Variants in PITHD1 observed in about 807,000 individuals in gnomAD.
The protein encoded by PITHD1 is PITH domain containing 1.
Under a neutral mutation model 27.5 loss-of-function variants are expected in PITHD1, and 8 were observed. The observed-to-expected ratio is 0.29, with a 90% CI of 0.17 to 0.52. The LOEUF is 0.52. Ranked by LOEUF, PITHD1 falls within the 20% of genes least tolerant of loss-of-function variation. PITHD1 has a pLI of 0.96. For synonymous variants in PITHD1, 118 were observed against 106.8 expected (o/e 1.10, Z -0.64); for missense variants, 233 against 283.9 (o/e 0.82, Z 1.29).
At chr1:23,783,285 GTATATA>G (rs570952581) in intron 3 of PITHD1, among the ~76,000 whole-genome samples, 1 of 144,480 alleles carries the variant, frequency 6.9e-6, no homozygotes, top group Non-Finnish European at 1.5e-5. Flanking sequence ...GCACATGTGT[GTATATA>G]TATATGTATA....
In PITHD1 at chr1:23,787,339, T is replaced by A. The variant is rs1024316788; in HGVS notation, c.599T>A (p.Val200Asp). The change falls in exon 6 of 6, where the codon GTC (valine) becomes GAC (aspartate). Residue 200 changes from valine to aspartate, a missense_variant. Coordinates refer to ENST00000246151, the MANE Select transcript of PITHD1 (RefSeq NM_020362.5). ...TCTGCCAACCCAGCAGACCATAGGG[T>A]CCATCAGGTTACCCCACAGACACAC... ...EASANPADHR[V>D]HQVTPQTHFI... The A allele has an allele frequency of 1.2e-6, 2 of 1,612,116 alleles. No homozygotes were observed. The highest frequency in any genetic ancestry group is 2.7e-5 in the African/African-American group (2 of 74,868).
At position 23,787,392 on chromosome 1, in the gene PITHD1, C is replaced by T. The variant is rs1175748678; in HGVS notation, c.*16C>T. 5.1e-6 allele frequency: 7 copies of T among 1,359,558 alleles called. No individual in the cohort carries two copies. The African/African-American group carries it at 7.2e-5, about 14-fold the overall frequency. 84.2% of individuals were successfully genotyped at this position (1,359,558 alleles called of 1,614,324 possible). On this transcript the variant is annotated 3_prime_UTR_variant, in exon 6 of 6. Transcript: ENST00000246151. ...TATTTCCTAAGGGCTGGCCAAGGCTCCCATAGAGGCGCTGTGTCAGTGAAG... is the reference window on the plus strand; with the variant it reads ...TATTTCCTAAGGGCTGGCCAAGGCTTCCATAGAGGCGCTGTGTCAGTGAAG...
At chr1:23,786,237 A>G in intron 4 of PITHD1, 78 bp from the exon 5 acceptor site, 4 of 636,194 alleles carry the variant, frequency 6.3e-6, no homozygotes, top group Non-Finnish European at 1.1e-5. Context: ...CTGGAGCTGA[A>G]TTGTTGTTTC....
intron 3 of PITHD1, among the ~76,000 whole-genome samples, chr1:23,783,160 C>A (rs1638627165): frequency 6.6e-6 from 1 of 151,036 alleles, no homozygotes; most frequent in Admixed American, 6.6e-5. Flanking sequence ...CCATGTCTGG[C>A]TAATTTTTTG....
chr1:23,785,928 T>G, intron 4 of PITHD1, 149 bp downstream of exon 4: 2 of 593,758 alleles, frequency 3.4e-6, no homozygotes, highest in Non-Finnish European at 6.1e-6. Context: ...TTGGCAGAGA[T>G]TCAGTGCAAG....
rs150166857 is a variant in PITHD1 at position 23,785,732 on chromosome 1, C to G, written c.378C>G (p.Thr126=). The G allele has an allele frequency of 9.0e-5, 145 of 1,609,458 alleles. No individual in the cohort carries two copies. The African/African-American group carries it at 1.8e-3, about 19-fold the overall frequency. The change falls in exon 4 of 6, where the codon ACC becomes ACG. Residue 126 remains threonine, a synonymous_variant. Coordinates refer to ENST00000246151, the MANE Select transcript of PITHD1 (RefSeq NM_020362.5). The stretch of plus-strand genomic sequence containing the variant: ...ATACAGAAAGGGAGCCAGATCAGAC[C>G]TTTAGTCTGAACCGGGATCTTACAG... ...FDDTEREPDQ[T]FSLNRDLTGE...
chr1:23,783,097 C>T (rs528112723), intron 3 of PITHD1, among the ~76,000 whole-genome samples: 24 of 149,762 alleles, frequency 1.6e-4, no homozygotes, highest in East Asian at 8.1e-4. Flanking sequence ...CCTGGGTTCA[C>T]GCCATTCTCC....
rs1404265384 is a variant in PITHD1, at chr1:23,779,432, C to G, written c.199-6C>G. ...CTTTCTCCTCCCCCCTCCCCATCCC[C>G]TCCAGTTTGTTGAAAGTGATGCAGA... On this transcript the variant is annotated splice_region_variant and splice_polypyrimidine_tract_variant and intron_variant, in intron 1 of 5. Transcript: ENST00000246151. 1.2e-6 allele frequency: 2 copies of G among 1,611,342 alleles called. No homozygotes were observed.
chr1:23,784,242 T>G (rs1052080157), intron 3 of PITHD1, among the ~76,000 whole-genome samples: 134 of 137,862 alleles, frequency 9.7e-4, no homozygotes, highest in African/African-American at 2.9e-3. Context: ...TTCTTTTTTT[T>G]TTTTTTTTTT....
chr1:23,780,127 A>G (rs947432472), intron 3 of PITHD1, among the ~76,000 whole-genome samples, 186 bp downstream of exon 3: 1 of 152,134 alleles, frequency 6.6e-6, no homozygotes, highest in Admixed American at 6.6e-5. Flanking sequence ...ACTTTTTTAG[A>G]TTAAGCATCT....
chr1:23,783,391 A>G (rs953118959), intron 3 of PITHD1, among the ~76,000 whole-genome samples: 1 of 79,302 alleles, frequency 1.3e-5, no homozygotes, highest in African/African-American at 6.0e-5. Flanking sequence ...GTATATATAC[A>G]TATATACGCA....
chr1:23,787,080 A>G (rs1638696670), intron 5 of PITHD1, among the ~76,000 whole-genome samples, 195 bp from the exon 6 acceptor site: 1 of 152,212 alleles, frequency 6.6e-6, no homozygotes, highest in Non-Finnish European at 1.5e-5. Flanking sequence ...AATGATAATG[A>G]TCTTTGCAGC....
chr1:23,781,657 G>T (rs1369963294), intron 3 of PITHD1, among the ~76,000 whole-genome samples: 25 of 152,116 alleles, frequency 1.6e-4, no homozygotes. Flanking sequence ...AGAATATTAG[G>T]CATCCATGCT....
Position 23,780,863 on chromosome 1 carries a change from A to G in PITHD1, c.320+922A>G, listed in dbSNP as rs186975007. Among the ~76,000 whole-genome samples the G allele has an allele frequency of 6.7e-3, 1,026 of 152,006 alleles. 13 individuals carry two copies. The highest frequency in any genetic ancestry group is 0.023 in the African/African-American group (963 of 41,408). ...GCACTCCAGCCTGGATGACAGAATGAGACCCCATCTCAAAAGTAATAATAA... is the reference window on the plus strand; with the variant it reads ...GCACTCCAGCCTGGATGACAGAATGGGACCCCATCTCAAAAGTAATAATAA... On this transcript the variant is annotated intron_variant, in intron 3 of 5. Transcript: ENST00000246151.
chr1:23,778,441 G>A lies in PITHD1; in HGVS notation c.-75G>A. The stretch of plus-strand genomic sequence containing the variant: ...TTAGTTGCCGGAGCTGAACGGCGCG[G>A]AGCTGGTCTGAGGCGAGCCGAGCCG... On this transcript the variant is annotated 5_prime_UTR_variant, in exon 1 of 6. Coordinates refer to ENST00000246151, the MANE Select transcript of PITHD1 (RefSeq NM_020362.5). The A allele has an allele frequency of 3.7e-6, 4 of 1,087,712 alleles. No individual in the cohort carries two copies. In the South Asian group the frequency reaches 1.2e-4, roughly 31 times the overall value. The allele number at this position is 1,087,712 out of a possible 1,614,324, so 67.4% of individuals were successfully genotyped here. A position where few individuals can be genotyped will look rare whatever the true frequency, so the allele number is the denominator to read the frequency against.
rs1405411895 is a variant in PITHD1, at chr1:23,778,536, C to T, written c.21C>T (p.His7=). 4.5e-6 allele frequency: 6 copies of T among 1,344,892 alleles called. No individual in the cohort carries two copies. Among genetic ancestry groups the T allele is most frequent in the Middle Eastern group, 2.8e-4 (1 of 3,626 alleles). The allele number at this position is 1,344,892 out of a possible 1,614,324, so 83.3% of individuals were successfully genotyped here. A position where few individuals can be genotyped will look rare whatever the true frequency, so the allele number is the denominator to read the frequency against. ...TTGCCATGTCGCACGGTCACAGCCA[C>T]GGCGGGGGTGGCTGCCGCTGCGCCG... MSHGHS[H]GGGGCRCAAE... The change falls in exon 1 of 6, where the codon CAC becomes CAT. Residue 7 remains histidine (H), a synonymous_variant. Transcript: ENST00000246151.
intron 3 of PITHD1, among the ~76,000 whole-genome samples, chr1:23,781,426 G>A (rs1638599821): frequency 1.4e-5 from 2 of 146,950 alleles, no homozygotes; most frequent in South Asian, 4.3e-4. Flanking sequence ...TTGCACCACT[G>A]CATTCCAGCC....
At chr1:23,781,237 C>T (rs1291152959) in intron 3 of PITHD1, among the ~76,000 whole-genome samples, 4 of 151,930 alleles carry the variant, frequency 2.6e-5, no homozygotes, top group South Asian at 2.1e-4. Flanking sequence ...CCGAGGCGGG[C>T]GGATCACTTG....
chr1:23,786,446 T>C, intron 5 of PITHD1, 23 bp downstream of exon 5: 1 of 1,214,436 alleles, frequency 8.2e-7, no homozygotes, highest in South Asian at 1.3e-5. Flanking sequence ...TGGAAAGGTT[T>C]TCCCCTCATG....
Sources: allele counts gnomAD v4.1 joint callset (sites outside exome capture counted in the v4.1 genomes callset), GRCh38; gene constraint gnomAD v4.1.1; transcripts MANE v1.5; gene names NCBI Gene and HGNC (gene_info 2026-07-23, HGNC 2026-07-21).